The following CAMTA1 variants were observed in gnomAD, a reference collection of about 807,000 sequenced individuals.
CAMTA1 encodes calmodulin binding transcription activator 1.
In CAMTA1, 27 loss-of-function variants were observed where a neutral mutation model predicts 170.9. That is an observed-to-expected ratio of 0.16 (90% CI 0.12 to 0.22). The LOEUF is 0.22. Among genes scored for constraint, CAMTA1 ranks in the 10% least tolerant of loss-of-function variants. CAMTA1 has a pLI of 1.00. For missense variants in CAMTA1, 1,619 were observed against 2,217.2 expected (o/e 0.73, Z 5.42); for synonymous variants, 833 against 891.5 (o/e 0.93, Z 1.17).
At chr1:7,206,451 A>G (rs1248032069) in intron 4 of CAMTA1, among the ~76,000 whole-genome samples, 1 of 152,144 alleles carries the variant, frequency 6.6e-6, no homozygotes, top group Non-Finnish European at 1.5e-5. Context: ...TCTTTGTAGT[A>G]CTGATTTCTG....
chr1:7,177,178 A>G (rs142314757), intron 4 of CAMTA1, among the ~76,000 whole-genome samples: 51 of 146,990 alleles, frequency 3.5e-4, no homozygotes, highest in African/African-American at 1.1e-3. Context: ...CCTGTAACAC[A>G]TCAAATCTCC....
intron 5 of CAMTA1, among the ~76,000 whole-genome samples, chr1:7,289,957 G>A (rs989653558): frequency 3.3e-5 from 5 of 152,084 alleles, no homozygotes; most frequent in African/African-American, 1.2e-4. Flanking sequence ...CTCTGCCAAG[G>A]CTTCAGAGAG....
chr1:6,937,280 TCAC>T (rs1685496718), intron 3 of CAMTA1, among the ~76,000 whole-genome samples: 1 of 147,800 alleles, frequency 6.8e-6, no homozygotes, highest in African/African-American at 2.5e-5. Flanking sequence ...ATCATCACCA[TCAC>T]CATCCCCATT....
Position 7,736,484 on chromosome 1 carries a change from C to T in CAMTA1, c.3207C>T (p.Leu1069=), listed in dbSNP as rs201235832. The T allele has an allele frequency of 2.2e-5, 36 of 1,614,036 alleles. No individual in the cohort carries two copies. Among genetic ancestry groups the T allele is most frequent in the Admixed American group, 3.3e-5 (2 of 59,998 alleles). ...HSKTFRGMTL[L]HLAAAQGYAT... is the part of the protein sequence containing the mutation. ...AGACTTTCCGCGGAATGACCCTACT[C>T]CACCTGGCCGCTGCCCAGGGCTATG... Residue 1069 remains leucine, a synonymous_variant, in exon 13 of 23, where the codon CTC becomes CTT. Transcript: ENST00000303635. This position sits in a 1 kb window ranked among gnomAD's most constrained non-coding sequence, Gnocchi z 4.5.
intron 6 of CAMTA1, among the ~76,000 whole-genome samples, chr1:7,548,660 T>C (rs1326089213): frequency 7.2e-6 from 1 of 138,282 alleles, no homozygotes. Flanking sequence ...GGGTGCCCCC[T>C]TAGGGGTGGA....
chr1:7,678,141 G>A lies in CAMTA1; in HGVS notation c.2914+408G>A, dbSNP rs996007694. Among the ~76,000 whole-genome samples, 3 of 152,248 alleles carry A rather than the reference G, an allele frequency of 2.0e-5. 1 individual carries two copies. In the South Asian group the frequency reaches 6.2e-4, roughly 31 times the overall value. On this transcript the variant is annotated intron_variant, in intron 11 of 22. Coordinates refer to ENST00000303635, the MANE Select transcript of CAMTA1 (RefSeq NM_015215.4). Reference sequence around the variant, plus strand: ...TCCGCGGGCTCCTGGAAGCAAAAAGGGTTCCCAGAGGCCATCGCCAAGCCC... The same window carrying A: ...TCCGCGGGCTCCTGGAAGCAAAAAGAGTTCCCAGAGGCCATCGCCAAGCCC...
At chr1:7,103,466 T>C (rs193211352) in intron 4 of CAMTA1, among the ~76,000 whole-genome samples, 1,612 of 126,764 alleles carry the variant, frequency 0.013, 11 homozygotes, top group Middle Eastern at 0.028. Context: ...TACACACATG[T>C]ACACAACACA....
chr1:6,930,229 C>T lies in CAMTA1; in HGVS notation c.234+105019C>T, dbSNP rs551802250. Among the ~76,000 whole-genome samples the T allele has an allele frequency of 2.8e-4, 42 of 152,266 alleles. No homozygotes were observed. The South Asian group carries it at 6.0e-3, about 22-fold the overall frequency. ...CTCCTCGATCCTTGGTAATCACTGT[C>T]GACTCGCCTGCCTGCTGGGATCCAA... is the stretch of plus-strand genomic sequence containing the variant. On this transcript the variant is annotated intron_variant, in intron 3 of 22. Coordinates refer to ENST00000303635, the MANE Select transcript of CAMTA1 (RefSeq NM_015215.4).
At chr1:7,424,045 G>T (rs994623812) in intron 5 of CAMTA1, among the ~76,000 whole-genome samples, 2 of 152,138 alleles carry the variant, frequency 1.3e-5, no homozygotes, top group Admixed American at 6.5e-5. Context: ...GGGGTGAGGT[G>T]CTTGGTGGGC....
intron 4 of CAMTA1, among the ~76,000 whole-genome samples, chr1:7,152,531 C>T (rs564706158): frequency 4.6e-5 from 7 of 152,304 alleles, no homozygotes; most frequent in Admixed American, 2.0e-4. Context: ...TGTGTTGAGG[C>T]CATCTCTGAG....
intron 6 of CAMTA1, among the ~76,000 whole-genome samples, chr1:7,560,273 C>T (rs1171903915): frequency 2.0e-5 from 3 of 152,224 alleles, no homozygotes; most frequent in Non-Finnish European, 4.4e-5. Flanking sequence ...CTGCAGGCCC[C>T]ACTGCCCTTC....
In CAMTA1 at chr1:7,544,389, G is replaced by A. The variant is rs572111385; in HGVS notation, c.510+76488G>A. Among the ~76,000 whole-genome samples, 9 of 152,266 alleles carry A rather than the reference G, an allele frequency of 5.9e-5. No homozygotes were observed. In the South Asian group the frequency reaches 1.9e-3, roughly 32 times the overall value. On this transcript the variant is annotated intron_variant, in intron 6 of 22. Coordinates refer to ENST00000303635, the MANE Select transcript of CAMTA1 (RefSeq NM_015215.4). The stretch of plus-strand genomic sequence containing the variant: ...GAGAGTACAATTCAAGATGAGATTT[G>A]GGTGGGGACACAGCCAAACCACATC...
At chr1:7,001,037 T>C (rs186208120) in intron 3 of CAMTA1, among the ~76,000 whole-genome samples, 1 of 152,336 alleles carries the variant, frequency 6.6e-6, no homozygotes, top group Admixed American at 6.5e-5. Flanking sequence ...ATAATTGTCG[T>C]TATATTTTTA....
intron 5 of CAMTA1, among the ~76,000 whole-genome samples, chr1:7,451,256 G>A (rs939418931): frequency 3.3e-5 from 5 of 152,186 alleles, no homozygotes; most frequent in South Asian, 2.1e-4. Context: ...AGAACCTACC[G>A]GGAGGGGTTT....
chr1:6,939,200 G>A (rs531894708), intron 3 of CAMTA1, among the ~76,000 whole-genome samples: 65 of 152,344 alleles, frequency 4.3e-4, no homozygotes, highest in Non-Finnish European at 6.6e-4. Flanking sequence ...AGATGGACAT[G>A]TCATCACTAG....
intron 7 of CAMTA1, among the ~76,000 whole-genome samples, chr1:7,650,040 C>T (rs1164842801): frequency 6.6e-6 from 1 of 152,214 alleles, no homozygotes; most frequent in Non-Finnish European, 1.5e-5. Flanking sequence ...TCCCCACACA[C>T]CAGGAGGCAC....
intron 4 of CAMTA1, among the ~76,000 whole-genome samples, chr1:7,176,657 C>T (rs1650902001): frequency 6.6e-6 from 1 of 152,214 alleles, no homozygotes; most frequent in Non-Finnish European, 1.5e-5. Flanking sequence ...GGCATAGGAG[C>T]ACTCACGGGT....
At chr1:6,932,823 C>T (rs1353303439) in intron 3 of CAMTA1, among the ~76,000 whole-genome samples, 1 of 152,048 alleles carries the variant, frequency 6.6e-6, no homozygotes, top group Non-Finnish European at 1.5e-5. Context: ...ATCTTTTGTC[C>T]TTTAAAAAAG....
At chr1:7,488,133 A>G (rs1299099044) in intron 6 of CAMTA1, among the ~76,000 whole-genome samples, 1 of 152,052 alleles carries the variant, frequency 6.6e-6, no homozygotes, top group Non-Finnish European at 1.5e-5. Context: ...ATCTCTCTGG[A>G]GCCTTTCTGG....
Sources: allele counts gnomAD v4.1 joint callset (sites outside exome capture counted in the v4.1 genomes callset), GRCh38; gene constraint gnomAD v4.1.1; non-coding constraint Gnocchi (gnomAD v3.1); transcripts MANE v1.5; gene names NCBI Gene and HGNC (gene_info 2026-07-23, HGNC 2026-07-21).